The following LRBA variants were observed in gnomAD, a reference collection of about 807,000 sequenced individuals.
LRBA encodes LPS responsive beige-like anchor protein, also known as lipopolysaccharide-responsive and beige-like anchor protein.
LRBA carries 176 observed loss-of-function variants against 330.0 expected under a neutral mutation model. That is an observed-to-expected ratio of 0.53 (90% CI 0.47 to 0.60). LRBA has a LOEUF of 0.60. Among genes scored for constraint, LRBA ranks in the 20% least tolerant of loss-of-function variants. LRBA has a pLI of 0.00. For synonymous variants in LRBA, 1,230 were observed against 1,193.0 expected (o/e 1.03, Z -0.64); for missense variants, 3,259 against 3,444.8 (o/e 0.95, Z 1.35).
At chr4:150,455,012 A>C (rs1235470180) in intron 44 of LRBA, among the ~76,000 whole-genome samples, 1 of 150,248 alleles carries the variant, frequency 6.7e-6, no homozygotes, top group Non-Finnish European at 1.5e-5. Flanking sequence ...TTTAGGGTAC[A>C]TGTGCACATT....
chr4:150,726,330 A>C (rs1729662449), intron 36 of LRBA, among the ~76,000 whole-genome samples: 1 of 152,230 alleles, frequency 6.6e-6, no homozygotes, highest in African/African-American at 2.4e-5. Flanking sequence ...GAAACAAAAC[A>C]GAGCAGGAGT....
intron 36 of LRBA, chr4:150,721,125 C>G: frequency 1.7e-6 from 1 of 591,098 alleles, no homozygotes; most frequent in Admixed American, 1.9e-5. Flanking sequence ...GGGAGATACT[C>G]TGGAGGAAGC....
intron 26 of LRBA, among the ~76,000 whole-genome samples, 176 bp from the exon 27 acceptor site, chr4:150,844,955 T>G (rs913017635): frequency 3.3e-5 from 5 of 152,236 alleles, no homozygotes; most frequent in African/African-American, 1.2e-4. Flanking sequence ...TTGTCTGATA[T>G]TGTTAGCTTC....
chr4:150,697,040 A>G (rs542392549), intron 36 of LRBA, among the ~76,000 whole-genome samples: 4 of 151,122 alleles, frequency 2.6e-5, no homozygotes, highest in Non-Finnish European at 4.4e-5. Context: ...AAAGAAAAAA[A>G]AAAAGGCCGG....
At chr4:150,290,626 A>T (rs1031349900) in intron 53 of LRBA, among the ~76,000 whole-genome samples, 1 of 152,220 alleles carries the variant, frequency 6.6e-6, no homozygotes, top group African/African-American at 2.4e-5. Context: ...GAAAAGCTTG[A>T]GCAATTACTT....
Position 150,321,992 on chromosome 4 carries a change from A to C in LRBA, c.7453-624T>G, listed in dbSNP as rs1732578718. Among the ~76,000 whole-genome samples, 2 of 152,222 alleles carry C rather than the reference A, an allele frequency of 1.3e-5. No individual in the cohort carries two copies. The highest frequency in any genetic ancestry group is 2.9e-5 in the Non-Finnish European group (2 of 68,034). ...CTTAATTATAAAGGTGTTTGAAAGC[A>C]ATGCATAAATGTACTTGTAAAAACA... On this transcript the variant is annotated intron_variant, in intron 49 of 56. Coordinates refer to ENST00000651943, the MANE Select transcript of LRBA (RefSeq NM_001364905.1). This position sits in a 1 kb window ranked among gnomAD's most constrained non-coding sequence, Gnocchi z 4.5.
intron 37 of LRBA, among the ~76,000 whole-genome samples, chr4:150,632,555 T>C (rs146345678): frequency 4.9e-4 from 74 of 152,256 alleles, no homozygotes; most frequent in African/African-American, 1.7e-3. Flanking sequence ...TTTTAAAAAT[T>C]AGACACCATT....
At chr4:150,838,867 C>A (rs968567812) in intron 28 of LRBA, among the ~76,000 whole-genome samples, 2 of 152,074 alleles carry the variant, frequency 1.3e-5, no homozygotes, top group East Asian at 1.9e-4. Context: ...GGGAGAGGTG[C>A]TCTGATTTTT....
chr4:150,444,457 C>T (rs1006902302), intron 44 of LRBA, among the ~76,000 whole-genome samples: 5 of 152,122 alleles, frequency 3.3e-5, no homozygotes, highest in African/African-American at 4.8e-5. Context: ...TCAACTGTAG[C>T]GCTCTTTCAT....
intron 36 of LRBA, among the ~76,000 whole-genome samples, chr4:150,720,091 T>C (rs1449365775): frequency 6.6e-6 from 1 of 152,100 alleles, no homozygotes; most frequent in Admixed American, 6.6e-5. Flanking sequence ...GAGGGAAATA[T>C]TAGCTTTACA....
chr4:150,574,274 A>G (rs1479083122), intron 40 of LRBA, among the ~76,000 whole-genome samples: 1 of 152,098 alleles, frequency 6.6e-6, no homozygotes, highest in Non-Finnish European at 1.5e-5. Context: ...TAAATCTAAA[A>G]TATCTATAAG....
chr4:150,935,942 C>G (rs1735041907), intron 2 of LRBA, among the ~76,000 whole-genome samples: 1 of 150,762 alleles, frequency 6.6e-6, no homozygotes, highest in Non-Finnish European at 1.5e-5. Flanking sequence ...AAGAAATTCT[C>G]AAAGAGTACA....
intron 34 of LRBA, among the ~76,000 whole-genome samples, chr4:150,796,524 C>T (rs1740813815): frequency 6.6e-6 from 1 of 151,914 alleles, no homozygotes; most frequent in African/African-American, 2.4e-5. Context: ...TGACTTGAAA[C>T]TTACTGTACT....
At chr4:150,351,786 T>C (rs1737219430) in intron 47 of LRBA, among the ~76,000 whole-genome samples, 1 of 152,230 alleles carries the variant, frequency 6.6e-6, no homozygotes. Flanking sequence ...AATCTGTGAA[T>C]AGTACCAAAC....
chr4:150,776,395 T>C (rs976254601), intron 34 of LRBA, among the ~76,000 whole-genome samples: 1 of 152,200 alleles, frequency 6.6e-6, no homozygotes, highest in Admixed American at 6.5e-5. Flanking sequence ...ATGTGGCTGC[T>C]TCCAAGAGTT....
At chr4:150,817,082 ATC>A (rs758462245) in intron 31 of LRBA, 40 bp downstream of exon 31, 7 of 1,591,250 alleles carry the variant, frequency 4.4e-6, no homozygotes, top group Non-Finnish European at 6.0e-6. Flanking sequence ...CTAAAATGAG[ATC>A]TAAAAACATT....
chr4:150,453,990 G>A (rs377605297), intron 44 of LRBA, among the ~76,000 whole-genome samples: 6 of 151,874 alleles, frequency 4.0e-5, no homozygotes, highest in African/African-American at 1.4e-4. Context: ...TTGAGACAGA[G>A]TCTCACTGTT....
intron 37 of LRBA, among the ~76,000 whole-genome samples, chr4:150,618,822 T>C (rs1435693770): frequency 1.4e-5 from 2 of 145,686 alleles, no homozygotes; most frequent in Non-Finnish European, 3.0e-5. Flanking sequence ...ACATTATGTA[T>C]ACATATATTA....
At chr4:150,680,117 T>A (rs1338559288) in intron 37 of LRBA, among the ~76,000 whole-genome samples, 1 of 152,196 alleles carries the variant, frequency 6.6e-6, no homozygotes, top group East Asian at 1.9e-4. Flanking sequence ...CTCTGTTCAT[T>A]TGTGGCTTCT....
Sources: gnomAD v4.1 joint callset for allele counts (sites outside exome capture counted in the v4.1 genomes callset) on GRCh38, gnomAD v4.1.1 for gene constraint, Gnocchi (gnomAD v3.1) non-coding constraint, MANE v1.5 for transcripts, NCBI Gene and HGNC (gene_info 2026-07-23, HGNC 2026-07-21) for gene names.